Variants in PLCXD3 observed in about 807,000 individuals in gnomAD.
PLCXD3 encodes the protein phosphatidylinositol specific phospholipase C X domain containing 3.
In PLCXD3, 19 loss-of-function variants were observed where a neutral mutation model predicts 25.5. The observed-to-expected ratio is 0.75, with a 90% CI of 0.52 to 1.09. The LOEUF (loss-of-function observed/expected upper bound fraction) is 1.09. Among genes scored for constraint, PLCXD3 ranks in the 50% least tolerant of loss-of-function variants. The probability of loss-of-function intolerance (pLI) is 0.00; values close to 1 mark genes in which losing one functional copy is unlikely to be tolerated. For missense variants in PLCXD3, 411 were observed against 388.1 expected (o/e 1.06, Z -0.50); for synonymous variants, 174 against 137.6 (o/e 1.26, Z -1.85).
chr5:41,432,528 A>G (rs1747142560), intron 1 of PLCXD3, among the ~76,000 whole-genome samples: 2 of 152,148 alleles, frequency 1.3e-5, no homozygotes, highest in South Asian at 4.1e-4. Context: ...GATAAACTGC[A>G]TGTTATTCTT....
intron 1 of PLCXD3, among the ~76,000 whole-genome samples, chr5:41,508,996 G>GA (rs1738952785): frequency 6.6e-6 from 1 of 152,144 alleles, no homozygotes; most frequent in Non-Finnish European, 1.5e-5. Context: ...GAAGAAGGAC[G>GA]AAAGGAGACA....
In PLCXD3 at chr5:41,329,728, AATC is replaced by A. The variant is rs571673766; in HGVS notation, c.813-15961_813-15959del. ...CTGTGCTAATGATAATGAAAGCAGT[AATC>A]ATCATCATCATCTTTATAAGAGTAA... On this transcript the variant is annotated intron_variant, in intron 2 of 2. Transcript: ENST00000377801. 3.9e-4 allele frequency among the ~76,000 whole-genome samples: 59 copies of A among 151,304 alleles called. No individual in the cohort carries two copies. In the East Asian group the frequency reaches 6.8e-3, roughly 17 times the overall value.
intron 1 of PLCXD3, among the ~76,000 whole-genome samples, chr5:41,388,497 C>CAA (rs1745709403): frequency 6.6e-6 from 1 of 152,020 alleles, no homozygotes. Context: ...ATGGTACCCT[C>CAA]ATTCATTTGA....
At chr5:41,380,730 C>G (rs1204871053) in intron 2 of PLCXD3, among the ~76,000 whole-genome samples, 1 of 152,096 alleles carries the variant, frequency 6.6e-6, no homozygotes, top group African/African-American at 2.4e-5. Context: ...TGCTGTGTCT[C>G]TTTAGCATAA....
At position 41,313,801 on chromosome 5, in the gene PLCXD3, G is replaced by C. The variant is rs1180150004; in HGVS notation, c.813-31C>G. The stretch of plus-strand genomic sequence containing the variant: ...AAAGGAAACAAAAAGAAAAGTCACA[G>C]AAGGCAAGATACTATTTTTCAAGCT... On this transcript the variant is annotated intron_variant, in intron 2 of 2. Transcript: ENST00000377801. 3.9e-6 allele frequency: 6 copies of C among 1,546,852 alleles called. No homozygotes were observed. In the Admixed American group the frequency reaches 1.2e-4, roughly 32 times the overall value.
chr5:41,375,181 G>A (rs13180815), intron 2 of PLCXD3, among the ~76,000 whole-genome samples: 1 of 114,674 alleles, frequency 8.7e-6, no homozygotes, highest in Non-Finnish European at 2.0e-5. Context: ...GAAAGAGAAA[G>A]AGAGAGAGAG....
At chr5:41,398,173 C>T (rs1746067665) in intron 1 of PLCXD3, among the ~76,000 whole-genome samples, 1 of 152,250 alleles carries the variant, frequency 6.6e-6, no homozygotes, top group African/African-American at 2.4e-5. Context: ...GGTTTTGTGT[C>T]CCCATCCAAA....
chr5:41,321,351 A>G (rs1175992807), intron 2 of PLCXD3, among the ~76,000 whole-genome samples: 1 of 152,220 alleles, frequency 6.6e-6, no homozygotes, highest in Non-Finnish European at 1.5e-5. Context: ...ATAGCCACAC[A>G]TAAAATTAAG....
intron 1 of PLCXD3, among the ~76,000 whole-genome samples, chr5:41,475,260 T>C (rs998698584): frequency 3.3e-5 from 5 of 152,232 alleles, no homozygotes; most frequent in African/African-American, 1.2e-4. Flanking sequence ...CTTATGTTGC[T>C]GCCAGCAGAC....
intron 1 of PLCXD3, among the ~76,000 whole-genome samples, chr5:41,489,092 G>C (rs572395300): frequency 7.9e-5 from 12 of 152,282 alleles, no homozygotes; most frequent in African/African-American, 2.2e-4. Context: ...AACCCACCTT[G>C]AATTGATTTT....
chr5:41,378,971 A>C (rs144339003), intron 2 of PLCXD3, among the ~76,000 whole-genome samples: 2,569 of 152,222 alleles, frequency 0.017, 23 homozygotes, highest in Non-Finnish European at 0.027. Flanking sequence ...GATGATCTCT[A>C]CACAGGTAAA....
chr5:41,428,196 A>T (rs986588720), intron 1 of PLCXD3, among the ~76,000 whole-genome samples: 1 of 152,078 alleles, frequency 6.6e-6, no homozygotes, highest in African/African-American at 2.4e-5. Flanking sequence ...CCTCTAGCAC[A>T]CAGGAATTTC....
chr5:41,435,937 A>T (rs1004199740), intron 1 of PLCXD3, among the ~76,000 whole-genome samples: 6 of 152,144 alleles, frequency 3.9e-5, no homozygotes, highest in African/African-American at 1.4e-4. Context: ...CCACCTACTG[A>T]ATAGTGCCTC....
At chr5:41,510,014 C>T (rs1295576148) in intron 1 of PLCXD3, among the ~76,000 whole-genome samples, 2 of 152,152 alleles carry the variant, frequency 1.3e-5, no homozygotes, top group Admixed American at 6.5e-5. Flanking sequence ...GTCCTTGCAC[C>T]GAAGGCGAGC....
intron 1 of PLCXD3, among the ~76,000 whole-genome samples, chr5:41,488,324 A>G (rs1034179615): frequency 7.7e-6 from 1 of 129,968 alleles, no homozygotes; most frequent in Admixed American, 7.8e-5. Flanking sequence ...AATCCAGTCT[A>G]TCATTGTTGG....
chr5:41,403,884 T>C (rs1374277195), intron 1 of PLCXD3, among the ~76,000 whole-genome samples: 2 of 151,834 alleles, frequency 1.3e-5, no homozygotes, highest in South Asian at 2.1e-4. Context: ...TGTGTCTTTA[T>C]AGCAGCATGA....
At chr5:41,341,276 C>T (rs1478194693) in intron 2 of PLCXD3, among the ~76,000 whole-genome samples, 3 of 152,130 alleles carry the variant, frequency 2.0e-5, no homozygotes, top group Non-Finnish European at 4.4e-5. Context: ...TGCTAATGTC[C>T]AGAGTGGACA....
intron 1 of PLCXD3, among the ~76,000 whole-genome samples, chr5:41,402,884 TTG>T (rs1481938825): frequency 6.6e-6 from 1 of 152,070 alleles, no homozygotes; most frequent in East Asian, 1.9e-4. Context: ...TTTAACTTAT[TTG>T]TGTTTAGATA....
chr5:41,510,073 G>T (rs1281025032), intron 1 of PLCXD3, among the ~76,000 whole-genome samples: 5 of 152,148 alleles, frequency 3.3e-5, no homozygotes. Flanking sequence ...CGCAGACCCA[G>T]AGATTTCTCC....
Sources: allele counts gnomAD v4.1 joint callset (sites outside exome capture counted in the v4.1 genomes callset), GRCh38; gene constraint gnomAD v4.1.1; transcripts MANE v1.5; gene names NCBI Gene and HGNC (gene_info 2026-07-23, HGNC 2026-07-21).